The following RAPGEF4 variants were observed in gnomAD, a reference collection of about 807,000 sequenced individuals.
RAPGEF4 encodes the protein RAP guanine-nucleotide-exchange factor (GEF) 4.
RAPGEF4 carries 66 observed loss-of-function variants against 147.9 expected under a neutral mutation model. The ratio of observed to expected loss-of-function variants is 0.45; its 90% CI spans 0.37 to 0.55. The LOEUF (loss-of-function observed/expected upper bound fraction) is 0.55, where lower values mean the gene tolerates loss of function less well. RAPGEF4 is among the 20% of genes least tolerant of loss of function. The pLI, the probability that RAPGEF4 is intolerant of heterozygous loss-of-function variation, is 0.00. For synonymous variants in RAPGEF4, 419 were observed against 442.7 expected, an observed-to-expected ratio of 0.95 and a Z score of 0.67; for missense variants, 1,071 against 1,257.3, an observed-to-expected ratio of 0.85 and a Z score of 2.24.
intron 1 of RAPGEF4, among the ~76,000 whole-genome samples, chr2:172,743,241 G>T (rs1011502061): frequency 1.3e-5 from 2 of 152,200 alleles, no homozygotes; most frequent in African/African-American, 4.8e-5. Flanking sequence ...AAAGAGGATG[G>T]AAAGAACTGG....
chr2:172,876,185 C>T (rs1222759411), intron 4 of RAPGEF4, among the ~76,000 whole-genome samples: 2 of 152,132 alleles, frequency 1.3e-5, no homozygotes, highest in Non-Finnish European at 2.9e-5. Context: ...ACAATCAAGT[C>T]ATCTGCAAAC....
chr2:173,042,138 G>A lies in RAPGEF4; in HGVS notation c.2853+5446G>A, dbSNP rs1017172064. Among the ~76,000 whole-genome samples the A allele has an allele frequency of 6.6e-6, 1 of 152,098 alleles. No individual in the cohort carries two copies. The highest frequency in any genetic ancestry group is 1.5e-5 in the Non-Finnish European group (1 of 68,022). ...GTGCCCTGGCCCAGGTATCTGTTTTGTTCACTGATATTTCTCCAGCACCAT... is the reference window on the plus strand; with the variant it reads ...GTGCCCTGGCCCAGGTATCTGTTTTATTCACTGATATTTCTCCAGCACCAT... On this transcript the variant is annotated intron_variant, in intron 29 of 30. Coordinates refer to ENST00000397081, the MANE Select transcript of RAPGEF4 (RefSeq NM_007023.4). This position sits in a 1 kb window ranked among gnomAD's most constrained non-coding sequence, Gnocchi z 4.2.
In RAPGEF4 at chr2:172,960,784, C is replaced by T; in HGVS notation, c.562C>T (p.Pro188Ser). The change falls in exon 7 of 31, where the codon CCT becomes TCT. Residue 188 changes from proline to serine, a missense_variant. Physicochemically the swap from Pro to Ser is moderately conservative, Grantham distance 74. Coordinates refer to ENST00000397081, the MANE Select transcript of RAPGEF4 (RefSeq NM_007023.4). ...ENTPLIEPHVPLRPANTITKV... is the reference protein window; with the variant it reads ...ENTPLIEPHVSLRPANTITKV... ...GACACCTCTCATTGAACCTCACGTT[C>T]CTCTTCGTCCTGCTAACACCATTAC... 6.2e-7 allele frequency: 1 copy of T among 1,606,484 alleles called. No individual in the cohort carries two copies. The highest frequency in any genetic ancestry group is 8.5e-7 in the Non-Finnish European group (1 of 1,176,518).
intron 15 of RAPGEF4, among the ~76,000 whole-genome samples, chr2:172,994,760 C>G (rs1693157940): frequency 6.6e-6 from 1 of 152,222 alleles, no homozygotes; most frequent in South Asian, 2.1e-4. Flanking sequence ...ATGCCCTCTT[C>G]TTTCCTCAAA....
intron 1 of RAPGEF4, among the ~76,000 whole-genome samples, chr2:172,754,620 G>A (rs886251271): frequency 1.3e-5 from 2 of 152,138 alleles, no homozygotes; most frequent in African/African-American, 4.8e-5. Flanking sequence ...AGGGACCACT[G>A]GGGAATTGGA....
At chr2:172,988,056 A>T in intron 12 of RAPGEF4, 140 bp from the exon 13 acceptor site, 1 of 1,296,600 alleles carries the variant, frequency 7.7e-7, no homozygotes, top group South Asian at 2.0e-5. Flanking sequence ...CACCTGAACA[A>T]GTTAATATTT....
chr2:172,760,484 C>G (rs376664719), intron 1 of RAPGEF4, among the ~76,000 whole-genome samples: 1 of 152,020 alleles, frequency 6.6e-6, no homozygotes, highest in Non-Finnish European at 1.5e-5. Context: ...TTTGGGAGGC[C>G]GAGGTGGGTG....
In RAPGEF4 at chr2:172,961,258, C is replaced by T. The variant is rs573098722; in HGVS notation, c.698+30C>T. ...GTGTGCTAATTCTAAAGGCTGTGCC[C>T]CGCTCATATTCATGTTTAGTGAAAA... On this transcript the variant is annotated intron_variant, in intron 8 of 30. Coordinates refer to ENST00000397081, the MANE Select transcript of RAPGEF4 (RefSeq NM_007023.4). 11 of 1,476,312 alleles carry T rather than the reference C, an allele frequency of 7.5e-6. No homozygotes were observed. In the South Asian group the frequency reaches 1.1e-4, roughly 15 times the overall value. The allele number at this position is 1,476,312 out of a possible 1,614,324, so 91.5% of individuals were successfully genotyped here. A position where few individuals can be genotyped will look rare whatever the true frequency, so the allele number is the denominator to read the frequency against.
chr2:172,816,371 T>A (rs556111561), intron 4 of RAPGEF4, among the ~76,000 whole-genome samples: 1 of 152,162 alleles, frequency 6.6e-6, no homozygotes, highest in African/African-American at 2.4e-5. Flanking sequence ...AATTCAAGAT[T>A]TGTCTGATTG....
At chr2:172,939,468 T>C (rs776157730) in intron 6 of RAPGEF4, among the ~76,000 whole-genome samples, 4 of 152,216 alleles carry the variant, frequency 2.6e-5, no homozygotes, top group Non-Finnish European at 5.9e-5. Context: ...AGGTGTCTTT[T>C]GCCCATTTAA....
intron 5 of RAPGEF4, among the ~76,000 whole-genome samples, chr2:172,918,226 A>G (rs1417678400): frequency 6.9e-6 from 1 of 145,210 alleles, no homozygotes; most frequent in African/African-American, 2.5e-5. Context: ...CCATCTGGAT[A>G]CCTGAGAGCC....
At chr2:172,760,908 C>G (rs1192041923) in intron 1 of RAPGEF4, among the ~76,000 whole-genome samples, 1 of 151,702 alleles carries the variant, frequency 6.6e-6, no homozygotes, top group African/African-American at 2.4e-5. Context: ...AGGAGAAAAT[C>G]CTAAATATGA....
chr2:173,006,204 T>A (rs962354493), intron 17 of RAPGEF4, among the ~76,000 whole-genome samples: 3 of 152,162 alleles, frequency 2.0e-5, no homozygotes, highest in Non-Finnish European at 4.4e-5. Context: ...AAAGCTGAAA[T>A]GAGGAGACAG....
intron 10 of RAPGEF4, among the ~76,000 whole-genome samples, chr2:172,981,453 G>A (rs993343428): frequency 6.6e-6 from 1 of 152,240 alleles, no homozygotes; most frequent in African/African-American, 2.4e-5. Flanking sequence ...TAGAGCCCCT[G>A]TGGCCACAGC....
rs1412088765 is a variant in RAPGEF4 at position 173,052,455 on chromosome 2, G to A, written c.*688G>A. ...TAAGAATTCCACTAAGAAATGCCAAGATTCTTAAATTTGCCAGCGTTAAAG... is the reference window on the plus strand; with the variant it reads ...TAAGAATTCCACTAAGAAATGCCAAAATTCTTAAATTTGCCAGCGTTAAAG... On this transcript the variant is annotated 3_prime_UTR_variant, in exon 31 of 31. Coordinates refer to ENST00000397081, the MANE Select transcript of RAPGEF4 (RefSeq NM_007023.4). 1 of 152,570 alleles carries A rather than the reference G, an allele frequency of 6.6e-6. No homozygotes were observed. Among genetic ancestry groups the A allele is most frequent in the East Asian group, 1.9e-4 (1 of 5,198 alleles). The allele number at this position is 152,570 out of a possible 1,614,324, so 9.5% of individuals were successfully genotyped here. A position where few individuals can be genotyped will look rare whatever the true frequency, so the allele number is the denominator to read the frequency against.
At chr2:173,044,166 G>C (rs1206694353) in intron 29 of RAPGEF4, among the ~76,000 whole-genome samples, 1 of 151,590 alleles carries the variant, frequency 6.6e-6, no homozygotes, top group Non-Finnish European at 1.5e-5. Flanking sequence ...ACTAAGGAGC[G>C]GGTTTTTCAC....
chr2:173,003,168 A>G (rs1694107086), intron 17 of RAPGEF4, among the ~76,000 whole-genome samples: 1 of 151,820 alleles, frequency 6.6e-6, no homozygotes, highest in Non-Finnish European at 1.5e-5. Context: ...TTCGTGTATT[A>G]GCTTGTTCCC....
At chr2:172,953,001 G>C (rs577106815) in intron 6 of RAPGEF4, among the ~76,000 whole-genome samples, 103 of 152,086 alleles carry the variant, frequency 6.8e-4, no homozygotes, top group African/African-American at 1.5e-3. Context: ...CAGTTGACAG[G>C]GGGGGTCCAG....
chr2:172,989,785 C>T (rs564176728), intron 14 of RAPGEF4, among the ~76,000 whole-genome samples: 2 of 152,318 alleles, frequency 1.3e-5, no homozygotes, highest in South Asian at 2.1e-4. Flanking sequence ...TGCTGACCCA[C>T]AGAGCAGGGT....
Sources: allele counts gnomAD v4.1 joint callset (sites outside exome capture counted in the v4.1 genomes callset), GRCh38; gene constraint gnomAD v4.1.1; non-coding constraint Gnocchi (gnomAD v3.1); transcripts MANE v1.5; gene names NCBI Gene and HGNC (gene_info 2026-07-23, HGNC 2026-07-21).